Variants in SH3PXD2A observed in about 807,000 individuals in gnomAD.
The protein encoded by SH3PXD2A is SH3 and PX domains 2A.
Under a neutral mutation model 115.2 loss-of-function variants are expected in SH3PXD2A, and 32 were observed. The ratio of observed to expected loss-of-function variants is 0.28; its 90% CI spans 0.21 to 0.37. SH3PXD2A has a LOEUF of 0.37. SH3PXD2A is among the 10% of genes least tolerant of loss of function. The probability of loss-of-function intolerance (pLI) is 1.00; values close to 1 mark genes in which losing one functional copy is unlikely to be tolerated. For synonymous variants in SH3PXD2A, 610 were observed against 629.1 expected, an observed-to-expected ratio of 0.97 and a Z score of 0.45; for missense variants, 1,328 against 1,498.7, an observed-to-expected ratio of 0.89 and a Z score of 1.88.
Position 103,767,810 on chromosome 10 carries a change from G to GTTTT in SH3PXD2A, c.154-645_154-642dup, listed in dbSNP as rs34903223. On this transcript the variant is annotated intron_variant, in intron 2 of 14. Coordinates refer to ENST00000369774, the MANE Select transcript of SH3PXD2A (RefSeq NM_001394015.1). The stretch of plus-strand genomic sequence containing the variant: ...AGGGTTCTGGAGGAACAACTGTTTT[G>GTTTT]TTTTTTTTTTTTTTTTTTTTTTTTG... 2.4e-3 allele frequency among the ~76,000 whole-genome samples: 165 copies of GTTTT among 67,682 alleles called. 6 individuals carry two copies. Among genetic ancestry groups the GTTTT allele is most frequent in the African/African-American group, 4.1e-3 (73 of 17,700 alleles). The allele number at this position is 67,682 out of a possible 152,430, so 44.4% of individuals were successfully genotyped here. A position where few individuals can be genotyped will look rare whatever the true frequency, so the allele number is the denominator to read the frequency against.
intron 6 of SH3PXD2A, among the ~76,000 whole-genome samples, chr10:103,669,519 G>A (rs995504707): frequency 1.3e-5 from 2 of 152,218 alleles, no homozygotes; most frequent in African/African-American, 4.8e-5. Flanking sequence ...GAAGAGAAGA[G>A]GGCCACCATG....
chr10:103,769,408 AG>A (rs1258393635), intron 2 of SH3PXD2A, among the ~76,000 whole-genome samples: 2 of 151,552 alleles, frequency 1.3e-5, no homozygotes, highest in Admixed American at 6.6e-5. Context: ...ATTTAACAAA[AG>A]CTGGCTCATG....
At chr10:103,677,503 G>C (rs1444548054) in intron 6 of SH3PXD2A, among the ~76,000 whole-genome samples, 1 of 152,150 alleles carries the variant, frequency 6.6e-6, no homozygotes, top group Non-Finnish European at 1.5e-5. Flanking sequence ...ACAGGGGTGG[G>C]GATGGGGGGT....
At chr10:103,797,999 C>T (rs760483226) in intron 2 of SH3PXD2A, among the ~76,000 whole-genome samples, 2 of 152,114 alleles carry the variant, frequency 1.3e-5, no homozygotes, top group East Asian at 1.9e-4. Flanking sequence ...GGTCAGCGAC[C>T]GCTTGGGATC....
chr10:103,824,854 G>C (rs932675903), intron 1 of SH3PXD2A, among the ~76,000 whole-genome samples: 1 of 152,208 alleles, frequency 6.6e-6, no homozygotes, highest in African/African-American at 2.4e-5. Context: ...CCTGGCTGGA[G>C]TGCAGTGGCA....
At chr10:103,633,026 C>T (rs892371995) in intron 8 of SH3PXD2A, among the ~76,000 whole-genome samples, 1 of 151,942 alleles carries the variant, frequency 6.6e-6, no homozygotes, top group Admixed American at 6.6e-5. Flanking sequence ...AAAACAAAAA[C>T]AGAGTCTGAC....
At chr10:103,664,175 C>G (rs1219151679) in intron 7 of SH3PXD2A, among the ~76,000 whole-genome samples, 3 of 152,228 alleles carry the variant, frequency 2.0e-5, no homozygotes, top group Non-Finnish European at 4.4e-5. Context: ...AAGGGCCATC[C>G]CTGCCCTACG....
chr10:103,731,956 T>C (rs2038324672), intron 4 of SH3PXD2A, among the ~76,000 whole-genome samples: 1 of 152,188 alleles, frequency 6.6e-6, no homozygotes, highest in Non-Finnish European at 1.5e-5. Flanking sequence ...CCAATCCCTC[T>C]TCCCTCCTAC....
intron 2 of SH3PXD2A, among the ~76,000 whole-genome samples, chr10:103,778,720 C>T (rs997948117): frequency 1.3e-5 from 2 of 152,250 alleles, no homozygotes; most frequent in Non-Finnish European, 2.9e-5. Context: ...CTGATGCCCT[C>T]CTCCAGCCCT....
intron 5 of SH3PXD2A, among the ~76,000 whole-genome samples, chr10:103,700,521 TGACA>T (rs2037880154): frequency 6.6e-6 from 1 of 152,194 alleles, no homozygotes; most frequent in Non-Finnish European, 1.5e-5. Flanking sequence ...AGGACCATGA[TGACA>T]GACAGGCCTG....
chr10:103,661,707 C>CGGCCCA (rs922168469), intron 7 of SH3PXD2A: 1 of 985,210 alleles, frequency 1.0e-6, no homozygotes, highest in Non-Finnish European at 1.2e-6. Flanking sequence ...AGCTTCTCCA[C>CGGCCCA]GGCCCAGGCC....
intron 3 of SH3PXD2A, among the ~76,000 whole-genome samples, chr10:103,758,835 A>G (rs572474660): frequency 6.6e-6 from 1 of 152,328 alleles, no homozygotes; most frequent in African/African-American, 2.4e-5. Context: ...CCCCAGAATT[A>G]CCAACAGACC....
chr10:103,692,380 C>A (rs982865667), intron 6 of SH3PXD2A, among the ~76,000 whole-genome samples: 2 of 116,918 alleles, frequency 1.7e-5, no homozygotes, highest in Non-Finnish European at 3.7e-5. Flanking sequence ...CAGGCCAATG[C>A]GGGGGGCGGG....
At chr10:103,830,045 C>T (rs2039469676) in intron 1 of SH3PXD2A, among the ~76,000 whole-genome samples, 2 of 152,154 alleles carry the variant, frequency 1.3e-5, no homozygotes, top group African/African-American at 4.8e-5. Flanking sequence ...CTCTCAGGGG[C>T]CATTTCTGGA....
At chr10:103,690,259 G>A (rs1370595168) in intron 6 of SH3PXD2A, among the ~76,000 whole-genome samples, 2 of 152,138 alleles carry the variant, frequency 1.3e-5, no homozygotes, top group Non-Finnish European at 2.9e-5. Context: ...TAGGTGGCAG[G>A]CAGTGTTCTA....
intron 3 of SH3PXD2A, among the ~76,000 whole-genome samples, chr10:103,759,494 T>C (rs2038676808): frequency 6.6e-6 from 1 of 152,232 alleles, no homozygotes; most frequent in Non-Finnish European, 1.5e-5. Flanking sequence ...AGAGGCCCAG[T>C]GCCAGCCAGT....
chr10:103,624,860 C>T (rs1011974474), intron 9 of SH3PXD2A, among the ~76,000 whole-genome samples: 1 of 152,204 alleles, frequency 6.6e-6, no homozygotes, highest in African/African-American at 2.4e-5. Flanking sequence ...GGACCCATCC[C>T]TGAGCCCTTC....
At chr10:103,685,600 T>C (rs1188740055) in intron 6 of SH3PXD2A, among the ~76,000 whole-genome samples, 4 of 152,274 alleles carry the variant, frequency 2.6e-5, no homozygotes, top group African/African-American at 7.2e-5. Context: ...CTCCTATTCA[T>C]AGTAAAAGCT....
intron 5 of SH3PXD2A, among the ~76,000 whole-genome samples, chr10:103,706,456 C>A (rs982238086): frequency 6.6e-6 from 1 of 152,226 alleles, no homozygotes; most frequent in Non-Finnish European, 1.5e-5. Flanking sequence ...GGCACCCCCC[C>A]AAACCTTGTT....
Sources: gnomAD v4.1 joint callset for allele counts (sites outside exome capture counted in the v4.1 genomes callset) on GRCh38, gnomAD v4.1.1 for gene constraint, MANE v1.5 for transcripts, NCBI Gene and HGNC (gene_info 2026-07-23, HGNC 2026-07-21) for gene names.